Variants in TMEM163 observed in about 807,000 individuals in gnomAD.
The protein encoded by TMEM163 is transmembrane protein 163.
TMEM163 carries 17 observed loss-of-function variants against 29.3 expected under a neutral mutation model. The ratio of observed to expected loss-of-function variants is 0.58; its 90% CI spans 0.40 to 0.87. The LOEUF is 0.87. Ranked by LOEUF, TMEM163 falls within the 40% of genes least tolerant of loss-of-function variation. The pLI, the probability that TMEM163 is intolerant of heterozygous loss-of-function variation, is 0.00. For missense variants in TMEM163, 303 were observed against 381.5 expected, an observed-to-expected ratio of 0.79 and a Z score of 1.71; for synonymous variants, 157 against 160.6, an observed-to-expected ratio of 0.98 and a Z score of 0.17.
At chr2:134,617,421 G>C (rs1423388960) in intron 2 of TMEM163, among the ~76,000 whole-genome samples, 1 of 151,956 alleles carries the variant, frequency 6.6e-6, no homozygotes, top group Non-Finnish European at 1.5e-5. Context: ...GACCAGCCTG[G>C]CCAACATGTA....
chr2:134,656,155 C>A lies in TMEM163; in HGVS notation c.322+57045G>T, dbSNP rs532833288. Among the ~76,000 whole-genome samples, 32 of 144,914 alleles carry A rather than the reference C, an allele frequency of 2.2e-4. 4 individuals carry two copies. The highest frequency in any genetic ancestry group is 8.3e-4 in the African/African-American group (30 of 36,124). Reference sequence around the variant, plus strand: ...GGCGCCCCTCCCCCAGCCTCGCTGCCGCCTTGCAGTTTGATCTCAGACTGC... The same window carrying A: ...GGCGCCCCTCCCCCAGCCTCGCTGCAGCCTTGCAGTTTGATCTCAGACTGC... On this transcript the variant is annotated intron_variant, in intron 2 of 7. Coordinates refer to ENST00000281924, the MANE Select transcript of TMEM163 (RefSeq NM_030923.5).
intron 5 of TMEM163, among the ~76,000 whole-genome samples, chr2:134,485,057 G>A (rs1373541109): frequency 6.6e-6 from 1 of 152,208 alleles, no homozygotes; most frequent in Non-Finnish European, 1.5e-5. Flanking sequence ...ACCAGAGAAA[G>A]AGAACCAGTG....
At chr2:134,581,634 C>T (rs868856251) in intron 2 of TMEM163, among the ~76,000 whole-genome samples, 4 of 151,634 alleles carry the variant, frequency 2.6e-5, no homozygotes, top group African/African-American at 7.3e-5. Context: ...TTTATGGGGG[C>T]GGGGGGGAGA....
At chr2:134,485,203 C>T (rs72982248) in intron 5 of TMEM163, among the ~76,000 whole-genome samples, 5,061 of 152,250 alleles carry the variant, frequency 0.033, 281 homozygotes, top group African/African-American at 0.11. Flanking sequence ...CTAGCCTAAA[C>T]GTATCCAGAA....
intron 4 of TMEM163, among the ~76,000 whole-genome samples, chr2:134,519,280 G>A (rs762725846): frequency 6.6e-5 from 10 of 152,168 alleles, no homozygotes; most frequent in Admixed American, 3.3e-4. Context: ...CTCTGTTGAC[G>A]TTCCCCTCTC....
Position 134,507,059 on chromosome 2 carries a change from G to A in TMEM163, c.459-4062C>T, listed in dbSNP as rs187490715. On this transcript the variant is annotated intron_variant, in intron 4 of 7. Coordinates refer to ENST00000281924, the MANE Select transcript of TMEM163 (RefSeq NM_030923.5). ...TGAAACCAAATTTAAATTCCCGGCC[G>A]GGTGCAGTGACTCACGCCTGTAATC... 3.3e-4 allele frequency among the ~76,000 whole-genome samples: 50 copies of A among 152,232 alleles called. 1 individual carries two copies. The highest frequency in any genetic ancestry group is 1.5e-3 in the South Asian group (7 of 4,816).
chr2:134,613,318 T>A (rs1306303961), intron 2 of TMEM163, among the ~76,000 whole-genome samples: 1 of 152,134 alleles, frequency 6.6e-6, no homozygotes, highest in African/African-American at 2.4e-5. Flanking sequence ...CAGCAAAAGA[T>A]GTGTAAAAGA....
chr2:134,533,081 A>G (rs1301049334), intron 4 of TMEM163, among the ~76,000 whole-genome samples: 1 of 151,982 alleles, frequency 6.6e-6, no homozygotes, highest in East Asian at 1.9e-4. Context: ...GGGCCTAAAG[A>G]AATAAACAAA....
chr2:134,665,853 T>C (rs1432619641), intron 2 of TMEM163, among the ~76,000 whole-genome samples: 2 of 152,156 alleles, frequency 1.3e-5, no homozygotes, highest in African/African-American at 4.8e-5. Context: ...AACAAGATAC[T>C]GCATCTAAGC....
At chr2:134,527,491 G>A (rs578122890) in intron 4 of TMEM163, among the ~76,000 whole-genome samples, 5 of 152,242 alleles carry the variant, frequency 3.3e-5, no homozygotes, top group Non-Finnish European at 7.4e-5. Flanking sequence ...CCCAAATCCC[G>A]CTGCTATCGC....
intron 5 of TMEM163, among the ~76,000 whole-genome samples, chr2:134,493,074 T>A (rs1224876489): frequency 6.6e-6 from 1 of 152,174 alleles, no homozygotes; most frequent in Non-Finnish European, 1.5e-5. Flanking sequence ...TAATTTGTTA[T>A]CCCCCAATGA....
At chr2:134,631,534 C>T (rs1377824649) in intron 2 of TMEM163, among the ~76,000 whole-genome samples, 1 of 152,098 alleles carries the variant, frequency 6.6e-6, no homozygotes, top group Non-Finnish European at 1.5e-5. Context: ...GGTATTTATC[C>T]AGGCCCACTT....
intron 5 of TMEM163, among the ~76,000 whole-genome samples, chr2:134,486,970 T>A (rs889183391): frequency 6.6e-6 from 1 of 152,162 alleles, no homozygotes; most frequent in African/African-American, 2.4e-5. Context: ...AGAAAAAGTA[T>A]TCAAAATTCA....
chr2:134,660,971 G>A (rs753259568), intron 2 of TMEM163, among the ~76,000 whole-genome samples: 2 of 152,146 alleles, frequency 1.3e-5, no homozygotes, highest in African/African-American at 2.4e-5. Flanking sequence ...TTGGGAGGTG[G>A]GGCCTTTATG....
intron 2 of TMEM163, among the ~76,000 whole-genome samples, chr2:134,712,880 G>C (rs1453119849): frequency 6.6e-6 from 1 of 152,014 alleles, no homozygotes; most frequent in Non-Finnish European, 1.5e-5. Flanking sequence ...ATATATATGT[G>C]TCACATGTCA....
intron 2 of TMEM163, among the ~76,000 whole-genome samples, chr2:134,677,997 G>A (rs1272183966): frequency 6.6e-6 from 1 of 152,150 alleles, no homozygotes; most frequent in Non-Finnish European, 1.5e-5. Context: ...CACAAAAAAC[G>A]AAGGCGTGCC....
rs956915852 is a variant in TMEM163, at chr2:134,460,293, G to A, written c.668-2120C>T. 7.9e-5 allele frequency among the ~76,000 whole-genome samples: 12 copies of A among 151,876 alleles called. 2 individuals carry two copies. In the South Asian group the frequency reaches 2.3e-3, roughly 29 times the overall value. ...AACAGCCATCCTGCCCTCCCCTCAGGGCCACTGGGCTTGTCACCATCACCC... is the reference window on the plus strand; with the variant it reads ...AACAGCCATCCTGCCCTCCCCTCAGAGCCACTGGGCTTGTCACCATCACCC... On this transcript the variant is annotated intron_variant, in intron 6 of 7. Transcript: ENST00000281924. This position sits in a 1 kb window ranked among gnomAD's most constrained non-coding sequence, Gnocchi z 4.3.
intron 5 of TMEM163, among the ~76,000 whole-genome samples, chr2:134,497,854 G>A (rs1031654206): frequency 9.9e-5 from 15 of 152,164 alleles, no homozygotes; most frequent in African/African-American, 3.4e-4. Flanking sequence ...GCCCAAGAGA[G>A]AGCAATACAA....
At chr2:134,531,017 T>C (rs546452423) in intron 4 of TMEM163, among the ~76,000 whole-genome samples, 1 of 152,334 alleles carries the variant, frequency 6.6e-6, no homozygotes, top group South Asian at 2.1e-4. Flanking sequence ...CTCCAACTTC[T>C]ATCAGCTTGT....
Sources: allele counts gnomAD v4.1 joint callset (sites outside exome capture counted in the v4.1 genomes callset), GRCh38; gene constraint gnomAD v4.1.1; non-coding constraint Gnocchi (gnomAD v3.1); transcripts MANE v1.5; gene names NCBI Gene and HGNC (gene_info 2026-07-23, HGNC 2026-07-21).